The following SLC35F3 variants were observed in gnomAD, a reference collection of about 807,000 sequenced individuals.
The protein encoded by SLC35F3 is putative thiamine transporter SLC35F3.
Under a neutral mutation model 49.9 loss-of-function variants are expected in SLC35F3, and 25 were observed. The observed-to-expected ratio is 0.50, with a 90% confidence interval of 0.37 to 0.70. The LOEUF (loss-of-function observed/expected upper bound fraction) is 0.70, where lower values mean the gene tolerates loss of function less well. Ranked by LOEUF, SLC35F3 falls within the 30% of genes least tolerant of loss-of-function variation. The pLI, the probability that SLC35F3 is intolerant of heterozygous loss-of-function variation, is 0.00. For missense variants in SLC35F3, 525 were observed against 639.8 expected (o/e 0.82, Z 1.94); for synonymous variants, 275 against 265.4 (o/e 1.04, Z -0.35).
At chr1:234,253,618 A>T (rs1001352577) in intron 3 of SLC35F3, among the ~76,000 whole-genome samples, 33 of 151,832 alleles carry the variant, frequency 2.2e-4, no homozygotes, top group African/African-American at 7.7e-4. Flanking sequence ...TATATAATTT[A>T]AAAAAAACAG....
At chr1:234,262,871 T>C (rs1349869260) in intron 3 of SLC35F3, among the ~76,000 whole-genome samples, 2 of 152,244 alleles carry the variant, frequency 1.3e-5, no homozygotes, top group Admixed American at 1.3e-4. Flanking sequence ...GTTTGTATTC[T>C]AACACAGAGC....
In SLC35F3 at chr1:234,027,550, A is replaced by G. The variant is rs752130509; in HGVS notation, c.283+121792A>G. On this transcript the variant is annotated intron_variant, in intron 2 of 7. Transcript: ENST00000366618. This position sits in a 1 kb window ranked among gnomAD's most constrained non-coding sequence, Gnocchi z 4.1. ...TGGAGAGTGGGGTCTTAGACTCGCA[A>G]TAGGTAGGCTAGAAGGCTGTTCTCT... Among the ~76,000 whole-genome samples the G allele has an allele frequency of 3.3e-5, 5 of 152,170 alleles. No individual in the cohort carries two copies. Among genetic ancestry groups the G allele is most frequent in the Non-Finnish European group, 7.3e-5 (5 of 68,032 alleles).
At chr1:234,169,969 G>A (rs566700644) in intron 2 of SLC35F3, among the ~76,000 whole-genome samples, 1 of 152,056 alleles carries the variant, frequency 6.6e-6, no homozygotes, top group Non-Finnish European at 1.5e-5. Context: ...GGGTTTCACC[G>A]TGTTAGCCAG....
Position 234,254,046 on chromosome 1 carries a change from G to C in SLC35F3, c.608+22305G>C, listed in dbSNP as rs117959212. Among the ~76,000 whole-genome samples the C allele has an allele frequency of 3.7e-3, 564 of 152,302 alleles. 21 individuals are homozygous for C. In the South Asian group the frequency reaches 0.057, roughly 15 times the overall value. The stretch of plus-strand genomic sequence containing the variant: ...CATCCATGTCCAAAACCAGGCAAAG[G>C]CTGCCCTCCCATGTGGGAAAAATTA... On this transcript the variant is annotated intron_variant, in intron 3 of 7. Transcript: ENST00000366618.
intron 2 of SLC35F3, among the ~76,000 whole-genome samples, chr1:233,971,801 G>T (rs1662998272): frequency 6.6e-6 from 1 of 151,972 alleles, no homozygotes; most frequent in Admixed American, 6.6e-5. Context: ...CCAAAGACCA[G>T]TCTTATTAGC....
intron 2 of SLC35F3, among the ~76,000 whole-genome samples, chr1:234,228,118 A>G (rs1330580552): frequency 6.6e-6 from 1 of 152,196 alleles, no homozygotes; most frequent in East Asian, 1.9e-4. Context: ...CAAACCTGGC[A>G]GTTTCTCCTG....
At chr1:234,227,399 T>TC (rs1402828914) in intron 2 of SLC35F3, among the ~76,000 whole-genome samples, 2 of 77,532 alleles carry the variant, frequency 2.6e-5, no homozygotes, top group Non-Finnish European at 4.3e-5. Flanking sequence ...TTTCTTTTTT[T>TC]TTTTTTTTTT....
chr1:234,317,233 C>T (rs904250231), intron 5 of SLC35F3, among the ~76,000 whole-genome samples: 3 of 152,158 alleles, frequency 2.0e-5, no homozygotes, highest in African/African-American at 7.2e-5. Flanking sequence ...GGCTGTAATA[C>T]GGGGATAATA....
intron 2 of SLC35F3, among the ~76,000 whole-genome samples, chr1:234,003,770 G>A (rs554448392): frequency 1.8e-3 from 277 of 152,212 alleles, no homozygotes; most frequent in African/African-American, 2.4e-3. Context: ...ATAGTCAAAC[G>A]ACAAACCAAG....
At chr1:234,245,752 C>T (rs1467265671) in intron 3 of SLC35F3, among the ~76,000 whole-genome samples, 2 of 152,164 alleles carry the variant, frequency 1.3e-5, no homozygotes, top group Non-Finnish European at 2.9e-5. Context: ...GAGCTGTCAA[C>T]CTGAGGGTCT....
chr1:234,262,677 C>T (rs762392919), intron 3 of SLC35F3, among the ~76,000 whole-genome samples: 1 of 152,234 alleles, frequency 6.6e-6, no homozygotes. Flanking sequence ...AGCCTGGATC[C>T]TGCAGGTAAG....
intron 3 of SLC35F3, among the ~76,000 whole-genome samples, chr1:234,253,068 G>A (rs779644982): frequency 3.9e-5 from 6 of 152,224 alleles, no homozygotes; most frequent in Non-Finnish European, 7.3e-5. Flanking sequence ...GCTCACGCCT[G>A]TAATCCCAGC....
At chr1:234,217,556 G>A (rs1667141100) in intron 2 of SLC35F3, among the ~76,000 whole-genome samples, 1 of 152,120 alleles carries the variant, frequency 6.6e-6, no homozygotes, top group Admixed American at 6.5e-5. Flanking sequence ...GCCTTCATGA[G>A]GAGGAGGGTT....
At chr1:234,015,347 C>CAAA (rs34202675) in intron 2 of SLC35F3, among the ~76,000 whole-genome samples, 1 of 132,362 alleles carries the variant, frequency 7.6e-6, no homozygotes, top group African/African-American at 2.7e-5. Context: ...GACTCTATAT[C>CAAA]AAAAAAAAAA....
chr1:234,087,742 C>G (rs573003340), intron 2 of SLC35F3, among the ~76,000 whole-genome samples: 1 of 152,236 alleles, frequency 6.6e-6, no homozygotes, highest in South Asian at 2.1e-4. Context: ...TGTGAAGTCC[C>G]GGGTGGTCTA....
rs1666988165 is a variant in SLC35F3, at chr1:234,207,414, C to CTGT, written c.284-24002_284-24001insGTT. On this transcript the variant is annotated intron_variant, in intron 2 of 7. Transcript: ENST00000366618. ...TCCTTCCTTCCTCCCTCCCTCCTTC[C>CTGT]TTTCTCCCTCCCTCTTTCCTGCTTC... 6.9e-5 allele frequency among the ~76,000 whole-genome samples: 9 copies of CTGT among 130,958 alleles called. No individual in the cohort carries two copies. In the South Asian group the frequency reaches 8.0e-4, roughly 12 times the overall value. The allele number at this position is 130,958 out of a possible 152,430, so 85.9% of individuals were successfully genotyped here.
intron 2 of SLC35F3, among the ~76,000 whole-genome samples, chr1:233,906,748 TATTCATCACTAAAAAAA>T (rs1661784268): frequency 6.6e-6 from 1 of 151,924 alleles, no homozygotes; most frequent in African/African-American, 2.4e-5. Context: ...AATTTAATCA[TATTCATCACTAAAAAAA>T]AATGTCTATC....
chr1:233,988,826 T>G (rs1306678991), intron 2 of SLC35F3, among the ~76,000 whole-genome samples: 1 of 152,202 alleles, frequency 6.6e-6, no homozygotes, highest in Non-Finnish European at 1.5e-5. Flanking sequence ...ACCAGATGTT[T>G]CTCCTTAAGT....
At chr1:234,012,952 A>G (rs1437266450) in intron 2 of SLC35F3, among the ~76,000 whole-genome samples, 19 of 152,218 alleles carry the variant, frequency 1.2e-4, no homozygotes, top group African/African-American at 4.3e-4. Context: ...TAATAGGACA[A>G]TATTGGCCTT....
Sources: gnomAD v4.1 joint callset for allele counts (sites outside exome capture counted in the v4.1 genomes callset) on GRCh38, gnomAD v4.1.1 for gene constraint, Gnocchi (gnomAD v3.1) non-coding constraint, MANE v1.5 for transcripts, NCBI Gene and HGNC (gene_info 2026-07-23, HGNC 2026-07-21) for gene names.